Variants in AXL observed in about 807,000 individuals in gnomAD.
The protein encoded by AXL is tyrosine-protein kinase receptor UFO.
Under a neutral mutation model 104.5 loss-of-function variants are expected in AXL, and 52 were observed. That is an observed-to-expected ratio of 0.50 (90% CI 0.40 to 0.63). The LOEUF (loss-of-function observed/expected upper bound fraction) is 0.63, where lower values mean the gene tolerates loss of function less well. Ranked by LOEUF, AXL falls within the 20% of genes least tolerant of loss-of-function variation. AXL has a pLI of 0.00. For missense variants in AXL, 1,024 were observed against 1,188.5 expected (o/e 0.86, Z 2.04); for synonymous variants, 455 against 473.7 (o/e 0.96, Z 0.51).
intron 4 of AXL, among the ~76,000 whole-genome samples, chr19:41,226,588 C>T (rs1474591451): frequency 1.3e-5 from 2 of 152,212 alleles, no homozygotes; most frequent in Non-Finnish European, 2.9e-5. Context: ...TTTGTGTCTG[C>T]GGATGGAGAG....
At chr19:41,252,529 TCAAA>T in intron 15 of AXL, 86 bp downstream of exon 15, 1 of 1,472,752 alleles carries the variant, frequency 6.8e-7, no homozygotes, top group Non-Finnish European at 9.4e-7. Flanking sequence ...CCTGGGAAGA[TCAAA>T]CTTCCAGGCT....
intron 1 of AXL, 64 bp downstream of exon 1, chr19:41,219,541 T>C (rs1402110597): frequency 1.8e-6 from 2 of 1,137,658 alleles, no homozygotes; most frequent in East Asian, 6.7e-5. Flanking sequence ...GGGTAGGAGG[T>C]GGGGGATGAT....
At chr19:41,241,675 C>CA (rs1053412194) in intron 10 of AXL, among the ~76,000 whole-genome samples, 14 of 150,550 alleles carry the variant, frequency 9.3e-5, no homozygotes, top group Non-Finnish European at 1.3e-4. Context: ...CTGTCTCTAC[C>CA]AAAAAAAGAA....
chr19:41,220,411 C>T (rs1171259483), intron 1 of AXL: 2 of 525,416 alleles, frequency 3.8e-6, no homozygotes, highest in African/African-American at 3.8e-5. Context: ...GATCCCGAGC[C>T]TCCTTCCCGA....
chr19:41,243,572 C>T (rs1230824409), intron 11 of AXL, 44 bp from the exon 12 acceptor site: 2 of 1,473,834 alleles, frequency 1.4e-6, no homozygotes, highest in Non-Finnish European at 9.5e-7. Context: ...TAGGGGGTTC[C>T]ACATGGTTTT....
chr19:41,223,902 C>T (rs150421531), intron 4 of AXL, among the ~76,000 whole-genome samples: 3 of 152,010 alleles, frequency 2.0e-5, no homozygotes, highest in East Asian at 1.9e-4. Flanking sequence ...TTAGTGTATC[C>T]GTCAGCACAA....
intron 12 of AXL, among the ~76,000 whole-genome samples, 196 bp from the exon 13 acceptor site, chr19:41,248,318 C>T (rs2034304095): frequency 6.6e-6 from 1 of 152,202 alleles, no homozygotes; most frequent in African/African-American, 2.4e-5. Context: ...CCTTGAGTTC[C>T]CTTTGAGGGA....
chr19:41,243,397 G>A (rs570483461), intron 11 of AXL, among the ~76,000 whole-genome samples: 1 of 152,280 alleles, frequency 6.6e-6, no homozygotes, highest in East Asian at 1.9e-4. Flanking sequence ...TCCAGCCTGG[G>A]TGACAGAGTG....
Position 41,260,058 on chromosome 19 carries a change from C to A in AXL, c.*154C>A. 1 of 652,880 alleles carries A rather than the reference C, an allele frequency of 1.5e-6. No individual in the cohort carries two copies. The highest frequency in any genetic ancestry group is 2.0e-5 in the South Asian group (1 of 49,024). 40.4% of individuals were successfully genotyped at this position (652,880 alleles called of 1,614,324 possible). On this transcript the variant is annotated 3_prime_UTR_variant, in exon 20 of 20. Coordinates refer to ENST00000301178, the MANE Select transcript of AXL (RefSeq NM_021913.5). ...ACCTCCATCCCAGACAGGTCCCTCC[C>A]CTTCTCTGTGCAGTAGCATCACCTT...
At chr19:41,247,895 TTTTTATTTTATTTTA>T (rs145835287) in intron 12 of AXL, among the ~76,000 whole-genome samples, 163 of 146,026 alleles carry the variant, frequency 1.1e-3, no homozygotes, top group South Asian at 2.7e-3. Context: ...AAAAGAAATA[TTTTTATTTTATTTTA>T]TTTTATTTTA....
Position 41,259,943 on chromosome 19 carries a change from C to T in AXL, c.*39C>T. 1 of 1,492,022 alleles carries T rather than the reference C, an allele frequency of 6.7e-7. No homozygotes were observed. The highest frequency in any genetic ancestry group is 9.0e-7 in the Non-Finnish European group (1 of 1,111,604). 92.4% of individuals were successfully genotyped at this position (1,492,022 alleles called of 1,614,324 possible). ...CTGGTACTCCCTCTCAGGATCCAAG[C>T]TAAGCACTGCCACTGGGGAAAACTC... On this transcript the variant is annotated 3_prime_UTR_variant, in exon 20 of 20. Coordinates refer to ENST00000301178, the MANE Select transcript of AXL (RefSeq NM_021913.5).
chr19:41,252,141 T>TA (rs1568417486), intron 14 of AXL, among the ~76,000 whole-genome samples: 116 of 119,690 alleles, frequency 9.7e-4, no homozygotes, highest in Non-Finnish European at 1.5e-3. Context: ...AAATATATAT[T>TA]TTATATATAT....
Position 41,252,470 on chromosome 19 carries a change from C to G in AXL, c.1804+27C>G, listed in dbSNP as rs752641833. On this transcript the variant is annotated intron_variant, in intron 15 of 19. Transcript: ENST00000301178. The stretch of plus-strand genomic sequence containing the variant: ...TGAGAGAGGGGCAGATTCAAGGGGT[C>G]TACAAGCCCCATGGGGGCCATAGCA... The G allele has an allele frequency of 3.1e-6, 5 of 1,608,058 alleles. No homozygotes were observed. In the East Asian group the frequency reaches 1.1e-4, roughly 36 times the overall value.
chr19:41,224,377 C>T (rs1339061565), intron 4 of AXL, among the ~76,000 whole-genome samples: 1 of 151,824 alleles, frequency 6.6e-6, no homozygotes, highest in East Asian at 1.9e-4. Context: ...CTTTTTTCCC[C>T]CTTATTTTTT....
rs988062552 is a variant in AXL at position 41,237,474 on chromosome 19, C to T, written c.784-470C>T. 3.3e-5 allele frequency among the ~76,000 whole-genome samples: 5 copies of T among 152,252 alleles called. No homozygotes were observed. In the South Asian group the frequency reaches 1.0e-3, roughly 32 times the overall value. The stretch of plus-strand genomic sequence containing the variant: ...GGCCAGGCTGGTCTTGAACTCCTAA[C>T]CTCAAGTGATCGCCCACCTTGGCCT... On this transcript the variant is annotated intron_variant, in intron 6 of 19. Coordinates refer to ENST00000301178, the MANE Select transcript of AXL (RefSeq NM_021913.5).
At chr19:41,224,142 G>C (rs1475304235) in intron 4 of AXL, among the ~76,000 whole-genome samples, 2 of 151,970 alleles carry the variant, frequency 1.3e-5, no homozygotes, top group Non-Finnish European at 2.9e-5. Flanking sequence ...GCCTGTGTCT[G>C]TCCCTCTTTT....
chr19:41,221,609 T>A, intron 3 of AXL: 1 of 517,054 alleles, frequency 1.9e-6, no homozygotes, highest in Non-Finnish European at 3.4e-6. Flanking sequence ...TTTTTTCTCA[T>A]CCATAGAATG....
chr19:41,230,695 G>C (rs1001474456), intron 4 of AXL, among the ~76,000 whole-genome samples: 1 of 151,938 alleles, frequency 6.6e-6, no homozygotes, highest in Non-Finnish European at 1.5e-5. Context: ...GTGTGCCTGT[G>C]CCTGTGCCTG....
Position 41,253,636 on chromosome 19 carries a change from A to G in AXL, c.1964A>G (p.Asp655Gly). The G allele has an allele frequency of 6.2e-7, 1 of 1,613,980 alleles. No individual in the cohort carries two copies. Among genetic ancestry groups the G allele is most frequent in the Non-Finnish European group, 8.5e-7 (1 of 1,179,964 alleles). ...CAGATGCTAGTGAAGTTCATGGCAG[A>G]CATCGCCAGTGGCATGGAGTATCTG... ...PTQMLVKFMA[D>G]IASGMEYLST... is the part of the protein sequence containing the mutation. Residue 655 changes from aspartate (D) to glycine (G), a missense_variant, in exon 17 of 20, where the codon GAC becomes GGC. Asp to Gly is a moderately conservative substitution (Grantham distance 94). Transcript: ENST00000301178.
Sources: allele counts gnomAD v4.1 joint callset (sites outside exome capture counted in the v4.1 genomes callset), GRCh38; gene constraint gnomAD v4.1.1; transcripts MANE v1.5; gene names NCBI Gene and HGNC (gene_info 2026-07-23, HGNC 2026-07-21).